PHB1: variants seen among roughly 807,000 people sequenced by gnomAD.
The protein encoded by PHB1 is epididymis luminal protein 215.
the PHB1 span, chr17:49,405,348 G>A: frequency 3.1e-6 from 2 of 653,818 alleles, no homozygotes; most frequent in Non-Finnish European, 2.7e-6. Context: ...GCTAGCGGGG[G>A]AAGCGGGGGG....
the PHB1 span, chr17:49,405,181 G>A: frequency 2.5e-6 from 4 of 1,613,994 alleles, no homozygotes; most frequent in Non-Finnish European, 2.5e-6. Context: ...CAGAGATGAT[G>A]GCCGCCTTTT....
At chr17:49,412,032 T>C in the PHB1 span, 1 of 560,850 alleles carries the variant, frequency 1.8e-6, no homozygotes, top group Non-Finnish European at 3.1e-6. Context: ...CTGTTCCACA[T>C]GTCCCCAAGG....
the PHB1 span, chr17:49,407,134 G>A: frequency 1.2e-5 from 5 of 410,292 alleles, no homozygotes; most frequent in African/African-American, 1.0e-4. Flanking sequence ...GGGCCCACAG[G>A]CACCAGAAGG....
the PHB1 span, among the ~76,000 whole-genome samples, chr17:49,408,086 G>A: frequency 6.6e-6 from 1 of 152,176 alleles, no homozygotes; most frequent in African/African-American, 2.4e-5. Context: ...TTTACTCAGC[G>A]TTTTCTCACA....
At chr17:49,408,996 G>A in the PHB1 span, 20 of 1,226,742 alleles carry the variant, frequency 1.6e-5, no homozygotes, top group African/African-American at 7.5e-5. Flanking sequence ...GCACCTAAAC[G>A]AGAACTGCAG....
the PHB1 span, chr17:49,409,039 T>C: frequency 1.3e-6 from 2 of 1,580,414 alleles, no homozygotes; most frequent in African/African-American, 2.7e-5. Context: ...CGAAGGATCT[T>C]ACCAAGGACA....
At chr17:49,407,204 C>T in the PHB1 span, 3 of 241,996 alleles carry the variant, frequency 1.2e-5, no homozygotes, top group Non-Finnish European at 8.5e-6. Context: ...AGACCCCCGC[C>T]ACTGACTAGT....
At chr17:49,406,127 C>A in the PHB1 span, among the ~76,000 whole-genome samples, 6 of 152,206 alleles carry the variant, frequency 3.9e-5, no homozygotes, top group Non-Finnish European at 5.9e-5. Context: ...ATGGCAGATA[C>A]AAAGCAACAC....
chr17:49,406,938 A>C, the PHB1 span: 1 of 943,602 alleles, frequency 1.1e-6, no homozygotes, highest in Non-Finnish European at 1.7e-6. Context: ...CGCTGGAAGA[A>C]GAGGCCAGCA....
the PHB1 span, chr17:49,411,910 A>G: frequency 2.1e-6 from 3 of 1,424,774 alleles, no homozygotes; most frequent in Non-Finnish European, 2.9e-6. Flanking sequence ...ATGTCTTTGA[A>G]AGAGCCCTGG....
the PHB1 span, chr17:49,409,025 C>A: frequency 6.6e-7 from 1 of 1,513,428 alleles, no homozygotes; most frequent in South Asian, 1.2e-5. Flanking sequence ...CCTCCTCGGT[C>A]TCCCGAAGGA....
chr17:49,404,556 C>T, the PHB1 span: 1 of 248,228 alleles, frequency 4.0e-6, no homozygotes, highest in Non-Finnish European at 8.0e-6. Flanking sequence ...GGAGGCCTGC[C>T]TTCTCAGTTC....
the PHB1 span, among the ~76,000 whole-genome samples, chr17:49,406,415 T>C: frequency 6.6e-6 from 1 of 152,248 alleles, no homozygotes; most frequent in Non-Finnish European, 1.5e-5. Context: ...TTTGATCTTT[T>C]TTGCTGTCAG....
the PHB1 span, chr17:49,406,786 T>C: frequency 4.3e-6 from 7 of 1,613,958 alleles, no homozygotes; most frequent in East Asian, 1.6e-4. Flanking sequence ...TGGCCCTCTC[T>C]GCTTCCTGCT....
chr17:49,406,573 C>T, the PHB1 span, among the ~76,000 whole-genome samples: 1 of 152,234 alleles, frequency 6.6e-6, no homozygotes, highest in African/African-American at 2.4e-5. Flanking sequence ...CATAACTCCA[C>T]ATATCCTTGA....
At chr17:49,411,474 A>G in the PHB1 span, among the ~76,000 whole-genome samples, 2 of 152,202 alleles carry the variant, frequency 1.3e-5, no homozygotes, top group Non-Finnish European at 2.9e-5. Context: ...CTGGGATTAC[A>G]GGCATGAACC....
At chr17:49,411,199 CTTT>C in the PHB1 span, among the ~76,000 whole-genome samples, 6 of 117,428 alleles carry the variant, frequency 5.1e-5, no homozygotes, top group Admixed American at 8.7e-5. Context: ...TAGAAGCAGG[CTTT>C]TTTTTTTTTT....
At chr17:49,409,286 A>T in the PHB1 span, 1 of 1,611,228 alleles carries the variant, frequency 6.2e-7, no homozygotes, top group Non-Finnish European at 8.5e-7. Context: ...GCACCCTCCC[A>T]GGGTGGTGCT....
At chr17:49,414,307 C>G in the PHB1 span, 2 of 152,120 alleles carry the variant, frequency 1.3e-5, no homozygotes, top group South Asian at 4.2e-4. Context: ...GAAGCAGGAG[C>G]TGGATGACAT....
Sources: gnomAD v4.1 joint callset for allele counts (sites outside exome capture counted in the v4.1 genomes callset) on GRCh38, gnomAD v4.1.1 for gene constraint, MANE v1.5 for transcripts, NCBI Gene and HGNC (gene_info 2026-07-23, HGNC 2026-07-21) for gene names.